The following DPYD variants were observed in gnomAD, a reference collection of about 807,000 sequenced individuals.
DPYD encodes the protein dihydropyrimidine dehydrogenase.
Under a neutral mutation model 116.2 loss-of-function variants are expected in DPYD, and 109 were observed. The ratio of observed to expected loss-of-function variants is 0.94; its 90% CI spans 0.80 to 1.10. The LOEUF (loss-of-function observed/expected upper bound fraction) is 1.10, where lower values mean the gene tolerates loss of function less well. Among genes scored for constraint, DPYD ranks in the 50% least tolerant of loss-of-function variants. The pLI is 0.00. For missense variants in DPYD, 1,302 were observed against 1,254.5 expected (o/e 1.04, Z -0.57); for synonymous variants, 440 against 432.0 (o/e 1.02, Z -0.23).
At chr1:97,791,043 T>C (rs959733625) in intron 3 of DPYD, among the ~76,000 whole-genome samples, 8 of 152,204 alleles carry the variant, frequency 5.3e-5, no homozygotes, top group Admixed American at 1.3e-4. Context: ...CAAAGTTATG[T>C]CTAAATAACA....
chr1:97,279,463 C>T (rs1320085693), intron 18 of DPYD, among the ~76,000 whole-genome samples: 1 of 152,020 alleles, frequency 6.6e-6, no homozygotes, highest in Non-Finnish European at 1.5e-5. Flanking sequence ...CCTGTGCAAT[C>T]AGGTTTCTAG....
At chr1:97,539,425 T>A (rs1049252480) in intron 12 of DPYD, among the ~76,000 whole-genome samples, 2 of 152,176 alleles carry the variant, frequency 1.3e-5, no homozygotes, top group Non-Finnish European at 2.9e-5. Context: ...TTATTTGAAT[T>A]TCTACCTCTA....
chr1:97,278,350 C>T (rs1178551452), intron 18 of DPYD, among the ~76,000 whole-genome samples: 1 of 152,282 alleles, frequency 6.6e-6, no homozygotes, highest in South Asian at 2.1e-4. Flanking sequence ...TTAAAAGTTA[C>T]ATTTACTTTC....
At chr1:97,874,717 G>C (rs939461301) in intron 2 of DPYD, among the ~76,000 whole-genome samples, 5 of 151,748 alleles carry the variant, frequency 3.3e-5, no homozygotes, top group Non-Finnish European at 7.4e-5. Context: ...TCCTTTTCAT[G>C]AATTTCCAGT....
intron 2 of DPYD, among the ~76,000 whole-genome samples, chr1:97,834,553 TTA>T (rs1669676418): frequency 6.6e-6 from 1 of 151,988 alleles, no homozygotes; most frequent in African/African-American, 2.4e-5. Flanking sequence ...ACCACCACTC[TTA>T]TGAAGGCAAT....
chr1:97,558,025 T>C (rs549542255), intron 11 of DPYD, among the ~76,000 whole-genome samples: 1 of 152,252 alleles, frequency 6.6e-6, no homozygotes, highest in South Asian at 2.1e-4. Flanking sequence ...CCAGAATAAA[T>C]AGACTCTCCA....
intron 18 of DPYD, among the ~76,000 whole-genome samples, chr1:97,244,689 T>C (rs1373163986): frequency 3.3e-5 from 5 of 152,048 alleles, no homozygotes; most frequent in African/African-American, 1.2e-4. Context: ...ATATGTATAA[T>C]ACCTTCATTG....
intron 8 of DPYD, among the ~76,000 whole-genome samples, chr1:97,634,330 T>G (rs1183587170): frequency 6.6e-6 from 1 of 152,122 alleles, no homozygotes; most frequent in Non-Finnish European, 1.5e-5. Flanking sequence ...ATTCACAGAA[T>G]TTAAATTAAT....
intron 14 of DPYD, among the ~76,000 whole-genome samples, chr1:97,436,382 A>C (rs903800622): frequency 4.6e-5 from 7 of 152,018 alleles, no homozygotes; most frequent in African/African-American, 1.7e-4. Flanking sequence ...TGACAAACAT[A>C]AGCAATTTAT....
At chr1:97,270,172 A>G (rs1458484863) in intron 18 of DPYD, among the ~76,000 whole-genome samples, 1 of 152,194 alleles carries the variant, frequency 6.6e-6, no homozygotes, top group Non-Finnish European at 1.5e-5. Context: ...AAAGTAGTAA[A>G]GAAAGCAATA....
chr1:97,509,470 G>A (rs902222325), intron 13 of DPYD, among the ~76,000 whole-genome samples: 4 of 151,910 alleles, frequency 2.6e-5, no homozygotes, highest in African/African-American at 9.7e-5. Context: ...AAGAATGTCA[G>A]CAGTGATAAT....
At chr1:97,247,656 T>C (rs1662808351) in intron 18 of DPYD, among the ~76,000 whole-genome samples, 3 of 152,166 alleles carry the variant, frequency 2.0e-5, no homozygotes, top group African/African-American at 7.2e-5. Context: ...AAGCACATAG[T>C]AAATGCTTTA....
intron 5 of DPYD, among the ~76,000 whole-genome samples, chr1:97,705,289 C>T (rs1019406505): frequency 6.6e-6 from 1 of 152,108 alleles, no homozygotes; most frequent in African/African-American, 2.4e-5. Context: ...CCGCTCCCCC[C>T]AACCAACAAC....
rs58343220 is a variant in DPYD, at chr1:97,727,074, A to C, written c.322-5403T>G. Among the ~76,000 whole-genome samples, 826 of 151,778 alleles carry C rather than the reference A, an allele frequency of 5.4e-3. 7 individuals carry two copies. Among genetic ancestry groups the C allele is most frequent in the African/African-American group, 0.019 (783 of 41,510 alleles). ...ATTTATTGAATGTCTTCTAAATATA[A>C]AGCATTATGTGTATGTTTATTTTTT... is the stretch of plus-strand genomic sequence containing the variant. On this transcript the variant is annotated intron_variant, in intron 4 of 22. Coordinates refer to ENST00000370192, the MANE Select transcript of DPYD (RefSeq NM_000110.4).
chr1:97,128,963 C>G (rs1438014636), intron 20 of DPYD, among the ~76,000 whole-genome samples: 1 of 152,090 alleles, frequency 6.6e-6, no homozygotes, highest in Non-Finnish European at 1.5e-5. Flanking sequence ...TGAAGCCCAC[C>G]CAAACTTTGT....
At chr1:97,636,954 G>A (rs1158081895) in intron 8 of DPYD, among the ~76,000 whole-genome samples, 1 of 152,150 alleles carries the variant, frequency 6.6e-6, no homozygotes, top group Non-Finnish European at 1.5e-5. Flanking sequence ...GATTCACTGT[G>A]TGGGAACCCA....
chr1:97,260,483 A>G (rs1663804039), intron 18 of DPYD, among the ~76,000 whole-genome samples: 1 of 152,090 alleles, frequency 6.6e-6, no homozygotes, highest in South Asian at 2.1e-4. Context: ...TCTGAAGAGT[A>G]ACAAATTTAA....
intron 19 of DPYD, among the ~76,000 whole-genome samples, chr1:97,203,793 CAAAAA>C (rs56819543): frequency 1.2e-3 from 82 of 65,704 alleles, no homozygotes; most frequent in Non-Finnish European, 2.2e-3. Flanking sequence ...ATTCACATTC[CAAAAA>C]AAAAAAAAAA....
At chr1:97,667,957 A>T (rs1312084853) in intron 8 of DPYD, among the ~76,000 whole-genome samples, 1 of 152,172 alleles carries the variant, frequency 6.6e-6, no homozygotes, top group Non-Finnish European at 1.5e-5. Context: ...AGCCATTCAC[A>T]CACAAAATAT....
Sources: allele counts gnomAD v4.1 joint callset (sites outside exome capture counted in the v4.1 genomes callset), GRCh38; gene constraint gnomAD v4.1.1; transcripts MANE v1.5; gene names NCBI Gene and HGNC (gene_info 2026-07-23, HGNC 2026-07-21).